Variants in LTA4H observed in about 807,000 individuals in gnomAD.
LTA4H encodes the protein leukotriene A4 hydrolase, also known as leukotriene A-4 hydrolase.
Under a neutral mutation model 89.8 loss-of-function variants are expected in LTA4H, and 59 were observed. The observed-to-expected ratio is 0.66, with a 90% CI of 0.53 to 0.82. The LOEUF (loss-of-function observed/expected upper bound fraction) is 0.82, where lower values mean the gene tolerates loss of function less well. LTA4H is among the 40% of genes least tolerant of loss of function. LTA4H has a pLI of 0.00. For synonymous variants in LTA4H, 227 were observed against 253.1 expected (o/e 0.90, Z 0.98); for missense variants, 617 against 727.0 (o/e 0.85, Z 1.74).
In LTA4H at chr12:96,042,142, C is replaced by T. The variant is rs566157237; in HGVS notation, c.87+1147G>A. ...GGACCACAGGCACAAGCCACTACGCCGAGCTAATTTTTGTATTTTTAGTTT... is the reference window on the plus strand; with the variant it reads ...GGACCACAGGCACAAGCCACTACGCTGAGCTAATTTTTGTATTTTTAGTTT... On this transcript the variant is annotated intron_variant, in intron 1 of 17. Transcript: ENST00000413268. 3.3e-4 allele frequency among the ~76,000 whole-genome samples: 50 copies of T among 151,910 alleles called. 1 individual carries two copies. In the East Asian group the frequency reaches 7.0e-3, roughly 21 times the overall value.
intron 16 of LTA4H, among the ~76,000 whole-genome samples, chr12:96,005,798 G>C (rs1252577221): frequency 1.3e-5 from 2 of 152,108 alleles, no homozygotes. Flanking sequence ...GCTCAGGCTG[G>C]AGTACAGGGG....
intron 4 of LTA4H, among the ~76,000 whole-genome samples, chr12:96,023,348 C>T (rs568419642): frequency 6.6e-5 from 10 of 152,190 alleles, no homozygotes; most frequent in African/African-American, 1.4e-4. Flanking sequence ...GCTGAGGTTG[C>T]GAGGTCATAA....
At position 96,001,102 on chromosome 12, in the gene LTA4H, G is replaced by T; in HGVS notation, c.1723C>A (p.Leu575Ile). 1 of 1,610,152 alleles carries T rather than the reference G, an allele frequency of 6.2e-7. No homozygotes were observed. Among genetic ancestry groups the T allele is most frequent in the South Asian group, 1.1e-5 (1 of 90,976 alleles). Residue 575 changes from leucine (L) to isoleucine (I), a missense_variant, in exon 19 of 19, where the codon CTT becomes ATT. By Grantham distance (5) the Leu-to-Ile change is conservative. This residue lies in a region of LTA4H where 290 missense variants were observed against 339.1 expected (regional missense o/e 0.86). Transcript: ENST00000228740. ...TCATGGGATTTGTCAAAGGCAGCAA[G>T]ATCCCTGCCAAAAAAGAAAAAATTG... Reference protein sequence around the residue: ...MKFTRPLFKDLAAFDKSHDQA... With the variant: ...MKFTRPLFKDIAAFDKSHDQA...
In LTA4H at chr12:96,001,089, T is replaced by C. The variant is rs771347255; in HGVS notation, c.1736A>G (p.Asp579Gly). 1.9e-6 allele frequency: 3 copies of C among 1,612,694 alleles called. No individual in the cohort carries two copies. The highest frequency in any genetic ancestry group is 2.5e-6 in the Non-Finnish European group (3 of 1,179,604). The change falls in exon 19 of 19, where the codon GAC becomes GGC. Residue 579 changes from aspartate (D) to glycine (G), a missense_variant. Around this residue, in one of 3 missense-constraint regions of LTA4H, gnomAD observed 290 missense variants for 339.1 expected, o/e 0.86. Transcript: ENST00000228740. ...TCGGACAGCTTGATCATGGGATTTG[T>C]CAAAGGCAGCAAGATCCCTGCCAAA... ...RPLFKDLAAF[D>G]KSHDQAVRTY...
In LTA4H at chr12:96,006,318, TG is replaced by T; in HGVS notation, c.1525del (p.Gln509ArgfsTer10). On this transcript the variant is annotated frameshift_variant, in exon 16 of 19. Transcript: ENST00000228740. LOFTEE classifies it high-confidence loss of function. Reference protein sequence around the residue: ...QLNEFLAQTLQRAPLPLGHIK... With the variant: ...QLNEFLAQTLXRAPLPLGHIK... Reference sequence around the variant, plus strand: ...AGATTTTGAGCTAGTACTTACCCTCTGGAGCGTCTGTGCTAAAAACTCATTC... The same window carrying T: ...AGATTTTGAGCTAGTACTTACCCTCTGAGCGTCTGTGCTAAAAACTCATTC... 6.2e-7 allele frequency: 1 copy of T among 1,601,588 alleles called. No homozygotes were observed. Among genetic ancestry groups the T allele is most frequent in the Non-Finnish European group, 8.5e-7 (1 of 1,170,774 alleles).
chr12:96,031,788 T>C (rs980962487), intron 1 of LTA4H, among the ~76,000 whole-genome samples: 4 of 152,348 alleles, frequency 2.6e-5, no homozygotes, highest in Non-Finnish European at 5.9e-5. Flanking sequence ...CTGCAAATTA[T>C]TTAATTATTT....
chr12:96,035,436 G>A lies in LTA4H; in HGVS notation c.84C>T (p.Val28=), dbSNP rs146423147. 925 of 1,610,292 alleles carry A rather than the reference G, an allele frequency of 5.7e-4. 8 individuals carry two copies. The highest frequency in any genetic ancestry group is 4.5e-3 in the South Asian group (409 of 90,224). The change falls in exon 1 of 19, where the codon GTC becomes GTT. Residue 28 remains valine (V), a synonymous_variant. Coordinates refer to ENST00000228740, the MANE Select transcript of LTA4H (RefSeq NM_000895.3). ...CGGTCAGCGTCCGGCGAGTAAAGTC[G>A]ACGCTGCAGCGCAGGTGCAGGTGCT... ...RTKHLHLRCS[V]DFTRRTLTGT...
chr12:96,012,954 C>T (rs1156510595), intron 14 of LTA4H: 7 of 441,722 alleles, frequency 1.6e-5, no homozygotes, highest in Non-Finnish European at 2.8e-5. Flanking sequence ...TGTCTAAATC[C>T]CTCACCATCC....
chr12:96,036,111 G>T (rs921802228), upstream of LTA4H, among the ~76,000 whole-genome samples: 1 of 152,048 alleles, frequency 6.6e-6, no homozygotes, highest in South Asian at 2.1e-4. Context: ...ATTGTTTTTT[G>T]TTTTTAGCTG....
At chr12:96,006,479 T>C in intron 15 of LTA4H, 70 bp from the exon 16 acceptor site, 1 of 835,922 alleles carries the variant, frequency 1.2e-6, no homozygotes, top group Non-Finnish European at 1.9e-6. Context: ...TTATCTGACA[T>C]AAAAGTAAAA....
intron 2 of LTA4H, 162 bp from the exon 3 acceptor site, chr12:96,027,726 T>C: frequency 2.4e-6 from 1 of 409,408 alleles, no homozygotes; most frequent in South Asian, 3.6e-5. Context: ...GTAAGTCTCC[T>C]CTCAGTTTTC....
intron 13 of LTA4H, 131 bp from the exon 14 acceptor site, chr12:96,013,389 TA>T (rs1566007090): frequency 2.2e-5 from 13 of 595,978 alleles, no homozygotes. Context: ...AAATCTTTTT[TA>T]AAAATTAATA....
At chr12:96,019,564 A>G (rs1950426419) in intron 6 of LTA4H, among the ~76,000 whole-genome samples, 1 of 150,322 alleles carries the variant, frequency 6.7e-6, no homozygotes, top group Non-Finnish European at 1.5e-5. Context: ...ATAGAAACCC[A>G]GTCACAACTC....
chr12:96,020,759 C>A, intron 6 of LTA4H: 1 of 210,794 alleles, frequency 4.7e-6, no homozygotes. Flanking sequence ...CATAACCACC[C>A]TATGAGGTAG....
Position 96,017,185 on chromosome 12 carries a change from A to C in LTA4H, c.877-71T>G, listed in dbSNP as rs549563304. The C allele has an allele frequency of 2.2e-5, 22 of 1,012,118 alleles. No homozygotes were observed. The African/African-American group carries it at 2.6e-4, about 12-fold the overall frequency. The allele number at this position is 1,012,118 out of a possible 1,614,324, so 62.7% of individuals were successfully genotyped here. On this transcript the variant is annotated intron_variant, in intron 9 of 18. Transcript: ENST00000228740. Reference sequence around the variant, plus strand: ...TAAAATAACCCATTCTACTGTAAACACTCCATGTTATTCAATTTTTAAAAA... The same window carrying C: ...TAAAATAACCCATTCTACTGTAAACCCTCCATGTTATTCAATTTTTAAAAA...
intron 14 of LTA4H, chr12:96,011,374 A>T (rs1160943652): frequency 6.6e-6 from 1 of 152,056 alleles, no homozygotes; most frequent in African/African-American, 2.4e-5. Context: ...CTTTTAAATT[A>T]TTTCTTCCCA....
In LTA4H at chr12:96,024,533, T is replaced by G. The variant is rs759264840; in HGVS notation, c.426A>C (p.Arg142Ser). ...GAGTGTCCTGACAAGGAAGGATTGCTCTGCAGTGGATGGCCTGAAAAAGGG... is the reference window on the plus strand; with the variant it reads ...GAGTGTCCTGACAAGGAAGGATTGCGCTGCAGTGGATGGCCTGAAAAAGGG... ...LFSQCQAIHCRAILPCQDTPS... is the reference protein window; with the variant it reads ...LFSQCQAIHCSAILPCQDTPS... Residue 142 changes from arginine to serine, a missense_variant, in exon 4 of 19, where the codon AGA becomes AGC. By Grantham distance (110) the Arg-to-Ser change is moderately radical. Around this residue, in one of 3 missense-constraint regions of LTA4H, gnomAD observed 172 missense variants for 244.5 expected, o/e 0.70. Transcript: ENST00000228740. 1.4e-5 allele frequency: 22 copies of G among 1,611,138 alleles called. No individual in the cohort carries two copies. The highest frequency in any genetic ancestry group is 1.7e-5 in the Non-Finnish European group (20 of 1,177,498).
intron 1 of LTA4H, among the ~76,000 whole-genome samples, chr12:96,033,720 C>G (rs780109448): frequency 5.3e-5 from 8 of 152,146 alleles, no homozygotes; most frequent in South Asian, 2.1e-4. Flanking sequence ...GCCCCTACCC[C>G]CAACAGGCCC....
chr12:96,022,194 G>C lies in LTA4H; in HGVS notation c.538C>G (p.Pro180Ala). ...LMSAIRDGET[P>A]DPEDPSRKIY... ...TTCCTGCTTGGGTCTTCTGGGTCAG[G>C]TGTTTCTCCATCACGAATAGCACTC... The change falls in exon 5 of 19, where the codon CCT (proline) becomes GCT (alanine). Residue 180 changes from proline (P) to alanine (A), a missense_variant. Pro to Ala is a conservative substitution (Grantham distance 27, BLOSUM62 -1). Around this residue, in one of 3 missense-constraint regions of LTA4H, gnomAD observed 172 missense variants for 244.5 expected, o/e 0.70. Transcript: ENST00000228740. This position sits in a 1 kb window ranked among gnomAD's most constrained non-coding sequence, Gnocchi z 4.0. The C allele has an allele frequency of 6.2e-7, 1 of 1,613,942 alleles. No homozygotes were observed. The highest frequency in any genetic ancestry group is 8.5e-7 in the Non-Finnish European group (1 of 1,179,916).
Sources: allele counts gnomAD v4.1 joint callset (sites outside exome capture counted in the v4.1 genomes callset), GRCh38; gene constraint gnomAD v4.1.1; regional missense constraint gnomAD v4.1.1; non-coding constraint Gnocchi (gnomAD v3.1); transcripts MANE v1.5; gene names NCBI Gene and HGNC (gene_info 2026-07-23, HGNC 2026-07-21).